KIF16B: variants seen among roughly 807,000 people sequenced by gnomAD.
The protein encoded by KIF16B is kinesin family member 16B.
KIF16B carries 98 observed loss-of-function variants against 156.3 expected under a neutral mutation model. The observed-to-expected ratio is 0.63, with a 90% CI of 0.53 to 0.74. The LOEUF is 0.74. KIF16B is among the 30% of genes least tolerant of loss of function. The probability of loss-of-function intolerance (pLI) is 0.00; values close to 1 mark genes in which losing one functional copy is unlikely to be tolerated. For missense variants in KIF16B, 1,421 were observed against 1,606.5 expected (o/e 0.88, Z 1.97); for synonymous variants, 564 against 583.7 (o/e 0.97, Z 0.49).
intron 12 of KIF16B, among the ~76,000 whole-genome samples, chr20:16,437,992 A>T (rs867692063): frequency 5.6e-4 from 80 of 142,062 alleles, no homozygotes; most frequent in Middle Eastern, 3.6e-3. Context: ...AAAATAATAA[A>T]AAAAAAAAAA....
intron 22 of KIF16B, among the ~76,000 whole-genome samples, chr20:16,364,147 G>A (rs2064607938): frequency 1.3e-5 from 2 of 152,320 alleles, no homozygotes; most frequent in East Asian, 1.9e-4. Flanking sequence ...AGGGATGCAT[G>A]CACATTTTTA....
chr20:16,312,307 C>T (rs770650826), intron 25 of KIF16B, 28 bp downstream of exon 25: 1 of 1,526,264 alleles, frequency 6.6e-7, no homozygotes, highest in Non-Finnish European at 9.1e-7. Context: ...TCTACATACA[C>T]AGAGGAAAAA....
chr20:16,436,421 T>G (rs1347879886), intron 12 of KIF16B, among the ~76,000 whole-genome samples: 1 of 152,208 alleles, frequency 6.6e-6, no homozygotes, highest in Non-Finnish European at 1.5e-5. Flanking sequence ...AGGGGCAGGA[T>G]GCCCTCGAGC....
chr20:16,406,672 T>C (rs1459668398), intron 15 of KIF16B, among the ~76,000 whole-genome samples: 1 of 152,136 alleles, frequency 6.6e-6, no homozygotes, highest in Non-Finnish European at 1.5e-5. Flanking sequence ...CATTATATCC[T>C]CATATCCATA....
intron 25 of KIF16B, among the ~76,000 whole-genome samples, chr20:16,307,461 C>G (rs184916093): frequency 1.3e-5 from 2 of 152,252 alleles, no homozygotes; most frequent in East Asian, 3.9e-4. Flanking sequence ...ATTCTGCCAA[C>G]TTCAAGTATT....
chr20:16,478,184 T>G (rs551123099), intron 12 of KIF16B, among the ~76,000 whole-genome samples: 45 of 152,308 alleles, frequency 3.0e-4, no homozygotes, highest in Non-Finnish European at 4.3e-4. Flanking sequence ...GCAAATCATT[T>G]GAAAATGATG....
chr20:16,303,264 C>T (rs1884605), intron 25 of KIF16B, among the ~76,000 whole-genome samples: 1 of 152,038 alleles, frequency 6.6e-6, no homozygotes, highest in Non-Finnish European at 1.5e-5. Flanking sequence ...TCAGTCATTA[C>T]GTAGCAGAGC....
chr20:16,447,660 A>T (rs2066970395), intron 12 of KIF16B, among the ~76,000 whole-genome samples: 1 of 151,860 alleles, frequency 6.6e-6, no homozygotes, highest in Admixed American at 6.6e-5. Context: ...TCTAATAAAA[A>T]CTCTGGCTTA....
chr20:16,450,560 C>T (rs142762731), intron 12 of KIF16B, among the ~76,000 whole-genome samples: 43 of 152,314 alleles, frequency 2.8e-4, no homozygotes, highest in East Asian at 1.4e-3. Context: ...GCTGTTCCTC[C>T]GCTCCAGTCC....
At position 16,379,555 on chromosome 20, in the gene KIF16B, T is replaced by C. The variant is rs376360637; in HGVS notation, c.2447A>G (p.Glu816Gly). ...ACGCAGTTGAGCCTTTTCTAACTCC[T>C]CGCCATCTTCATCCCCTCCGGCACG... ...EARAGGDEDG[E>G]ELEKAQLRFF... is the part of the protein sequence containing the mutation. Residue 816 changes from glutamate to glycine, a missense_variant, in exon 19 of 26, where the codon GAG (glutamate) becomes GGG (glycine). Physicochemically the swap from Glu to Gly is moderately conservative, Grantham distance 98. Coordinates refer to ENST00000354981, the MANE Select transcript of KIF16B (RefSeq NM_024704.5). The C allele has an allele frequency of 1.2e-6, 2 of 1,614,052 alleles. No individual in the cohort carries two copies. The highest frequency in any genetic ancestry group is 2.7e-5 in the African/African-American group (2 of 74,918).
chr20:16,508,134 C>G (rs1313847618), intron 6 of KIF16B, 34 bp from the exon 7 acceptor site: 1 of 1,606,446 alleles, frequency 6.2e-7, no homozygotes, highest in Non-Finnish European at 8.5e-7. Flanking sequence ...GAAGAAATCC[C>G]CCTAATATAT....
intron 9 of KIF16B, among the ~76,000 whole-genome samples, chr20:16,505,163 G>T (rs2068737599): frequency 6.6e-6 from 1 of 152,146 alleles, no homozygotes; most frequent in South Asian, 2.1e-4. Context: ...GGAAAGAGAG[G>T]AAGAGGGAGG....
chr20:16,344,814 C>T (rs1472699458), intron 23 of KIF16B, among the ~76,000 whole-genome samples: 1 of 152,176 alleles, frequency 6.6e-6, no homozygotes, highest in East Asian at 1.9e-4. Context: ...ATAATGAACT[C>T]GGTTTACTGA....
chr20:16,298,602 T>C (rs1004064855), intron 25 of KIF16B, among the ~76,000 whole-genome samples: 1 of 152,202 alleles, frequency 6.6e-6, no homozygotes, highest in Non-Finnish European at 1.5e-5. Flanking sequence ...GAAGCAGTCC[T>C]GAGCATGAAC....
chr20:16,390,958 A>C (rs6135745), intron 17 of KIF16B, among the ~76,000 whole-genome samples: 24,925 of 152,164 alleles, frequency 0.16, 2,732 homozygotes, highest in East Asian at 0.6. Flanking sequence ...TAAGGAGCCC[A>C]GTGGGAAAGG....
chr20:16,279,319 C>T (rs8117207), intron 25 of KIF16B, among the ~76,000 whole-genome samples: 1 of 152,154 alleles, frequency 6.6e-6, no homozygotes, highest in African/African-American at 2.4e-5. Context: ...TTGGGGGACA[C>T]CTCTTCCAGA....
intron 15 of KIF16B, among the ~76,000 whole-genome samples, chr20:16,419,097 C>T (rs2066163344): frequency 6.6e-6 from 1 of 152,122 alleles, no homozygotes; most frequent in Non-Finnish European, 1.5e-5. Flanking sequence ...ATTTGCATAT[C>T]TAACAAGTTC....
chr20:16,287,493 G>T (rs974887072), intron 25 of KIF16B, among the ~76,000 whole-genome samples: 1 of 152,178 alleles, frequency 6.6e-6, no homozygotes, highest in African/African-American at 2.4e-5. Flanking sequence ...GCTATTCAGA[G>T]AATCTTCTTT....
chr20:16,570,685 G>T (rs1295446057), intron 1 of KIF16B, among the ~76,000 whole-genome samples: 1 of 152,116 alleles, frequency 6.6e-6, no homozygotes, highest in Non-Finnish European at 1.5e-5. Flanking sequence ...TTGTCTTCAA[G>T]ACCAAGGACA....
Sources: allele counts gnomAD v4.1 joint callset (sites outside exome capture counted in the v4.1 genomes callset), GRCh38; gene constraint gnomAD v4.1.1; transcripts MANE v1.5; gene names NCBI Gene and HGNC (gene_info 2026-07-23, HGNC 2026-07-21).